RFX7: variants seen among roughly 807,000 people sequenced by gnomAD.
RFX7 encodes regulatory factor X7.
In RFX7, 26 loss-of-function variants were observed where a neutral mutation model predicts 111.8. That is an observed-to-expected ratio of 0.23 (90% CI 0.17 to 0.32). The LOEUF (loss-of-function observed/expected upper bound fraction) is 0.32. RFX7 is among the 10% of genes least tolerant of loss of function. RFX7 has a pLI of 1.00. For missense variants in RFX7, 1,573 were observed against 1,772.9 expected (o/e 0.89, Z 2.02); for synonymous variants, 624 against 624.4 (o/e 1.00, Z 0.01).
rs1304208810 is a variant in RFX7 at position 56,087,702 on chromosome 15, CTA to C, written c.*5641_*5642del. ...TACTACTGGTAAGTATCCGCCTCTG[CTA>C]TAGTGACCTCATTGCATCCTGCAAA... is the stretch of plus-strand genomic sequence containing the variant. On this transcript the variant is annotated 3_prime_UTR_variant, in exon 10 of 10. Coordinates refer to ENST00000559447, the MANE Select transcript of RFX7 (RefSeq NM_022841.7). The C allele has an allele frequency of 2.7e-6, 1 of 364,304 alleles. No homozygotes were observed. Among genetic ancestry groups the C allele is most frequent in the Non-Finnish European group, 5.4e-6 (1 of 184,818 alleles). The allele number at this position is 364,304 out of a possible 1,614,324, so 22.6% of individuals were successfully genotyped here.
chr15:56,134,595 T>TC (rs2042265732), intron 5 of RFX7, among the ~76,000 whole-genome samples: 1 of 74,092 alleles, frequency 1.3e-5, no homozygotes, highest in Non-Finnish European at 2.8e-5. Flanking sequence ...TAAATCACTT[T>TC]CTTTTTTTTT....
chr15:56,130,919 T>C (rs1256787566), intron 5 of RFX7, among the ~76,000 whole-genome samples: 1 of 152,022 alleles, frequency 6.6e-6, no homozygotes, highest in Non-Finnish European at 1.5e-5. Context: ...AACACAAAAA[T>C]TGTCAAAGAA....
At position 56,171,644 on chromosome 15, in the gene RFX7, C is replaced by T. The variant is rs776583999; in HGVS notation, c.195+7626G>A. Among the ~76,000 whole-genome samples, 2 of 152,168 alleles carry T rather than the reference C, an allele frequency of 1.3e-5. 1 individual carries two copies. The highest frequency in any genetic ancestry group is 2.9e-5 in the Non-Finnish European group (2 of 68,034). ...TTATCCCCGTGAAACCCATGTCAGA[C>T]TGCTGGCACACAGAAGTCTAAAATA... On this transcript the variant is annotated intron_variant, in intron 3 of 9. Coordinates refer to ENST00000559447, the MANE Select transcript of RFX7 (RefSeq NM_022841.7).
At chr15:56,186,629 T>C (rs1255738561) in intron 2 of RFX7, among the ~76,000 whole-genome samples, 1 of 152,022 alleles carries the variant, frequency 6.6e-6, no homozygotes, top group African/African-American at 2.4e-5. Flanking sequence ...ATGAACTGTA[T>C]ACATGTGTGT....
chr15:56,148,918 A>G (rs547268104), intron 3 of RFX7, among the ~76,000 whole-genome samples: 69 of 152,136 alleles, frequency 4.5e-4, no homozygotes, highest in African/African-American at 1.6e-3. Flanking sequence ...CATCTCTACT[A>G]AAAATACAAA....
At chr15:56,163,246 A>G (rs149012653) in intron 3 of RFX7, among the ~76,000 whole-genome samples, 4 of 152,214 alleles carry the variant, frequency 2.6e-5, no homozygotes, top group Admixed American at 6.5e-5. Context: ...GATGCAGCAT[A>G]TATCTCTGGA....
intron 5 of RFX7, among the ~76,000 whole-genome samples, chr15:56,109,049 C>T (rs1334303434): frequency 6.6e-6 from 1 of 151,354 alleles, no homozygotes; most frequent in Non-Finnish European, 1.5e-5. Flanking sequence ...CTCCCACTCC[C>T]TCTGCCTCTC....
At chr15:56,149,752 G>A (rs2042541361) in intron 3 of RFX7, among the ~76,000 whole-genome samples, 2 of 151,798 alleles carry the variant, frequency 1.3e-5, no homozygotes, top group Non-Finnish European at 2.9e-5. Context: ...TGGGTTTCAA[G>A]CACAGAACTG....
At chr15:56,125,966 C>A (rs370769259) in intron 5 of RFX7, among the ~76,000 whole-genome samples, 1 of 152,078 alleles carries the variant, frequency 6.6e-6, no homozygotes, top group East Asian at 1.9e-4. Flanking sequence ...TGGAAGGAGT[C>A]TGTTTCATAG....
At chr15:56,124,730 T>C (rs2042121153) in intron 5 of RFX7, among the ~76,000 whole-genome samples, 1 of 152,218 alleles carries the variant, frequency 6.6e-6, no homozygotes, top group Non-Finnish European at 1.5e-5. Flanking sequence ...AATGTCTGAG[T>C]TCCTTGTACA....
In RFX7 at chr15:56,094,576, C is replaced by T. The variant is rs373692238; in HGVS notation, c.3152G>A (p.Arg1051Lys). ...VSSSPVKPMQ[R>K]PMATHPDKTK... ...TTTGTCAGGGTGTGTGGCCATGGGT[C>T]TTTGCATCGGTTTCACAGGACTACT... The change falls in exon 10 of 10, where the codon AGA becomes AAA. Residue 1051 changes from arginine (R) to lysine (K), a missense_variant. Transcript: ENST00000559447. 20 of 1,613,760 alleles carry T rather than the reference C, an allele frequency of 1.2e-5. No homozygotes were observed. The highest frequency in any genetic ancestry group is 1.6e-5 in the Non-Finnish European group (19 of 1,179,876).
rs762205215 is a variant in RFX7, at chr15:56,093,861, A to C, written c.3867T>G (p.Pro1289=). ...ARMNLTQILE[P]STVFPSANPQ... The stretch of plus-strand genomic sequence containing the variant: ...GGTTGGCACTAGGAAAAACAGTGGA[A>C]GGTTCCAAAATCTGAGTGAGATTCA... The change falls in exon 10 of 10, where the codon CCT becomes CCG. Residue 1289 remains proline (P), a synonymous_variant. Transcript: ENST00000559447. 6.2e-6 allele frequency: 10 copies of C among 1,613,872 alleles called. No individual in the cohort carries two copies.
intron 2 of RFX7, among the ~76,000 whole-genome samples, chr15:56,222,788 C>G (rs556611784): frequency 6.6e-6 from 1 of 152,198 alleles, no homozygotes; most frequent in African/African-American, 2.4e-5. Context: ...AATTCCATGT[C>G]TCTGTCATCT....
chr15:56,235,058 T>C (rs1290807183), intron 2 of RFX7, among the ~76,000 whole-genome samples: 1 of 152,150 alleles, frequency 6.6e-6, no homozygotes, highest in Non-Finnish European at 1.5e-5. Context: ...TAGCAGGTAA[T>C]GGGACCAGAC....
chr15:56,244,149 C>A (rs566708164), upstream of RFX7: 1 of 152,176 alleles, frequency 6.6e-6, no homozygotes, highest in South Asian at 2.1e-4. Flanking sequence ...TAATATTTGG[C>A]GTGGAAATGG....
Position 56,093,937 on chromosome 15 carries a change from G to A in RFX7, c.3791C>T (p.Ala1264Val). The change falls in exon 10 of 10, where the codon GCA (alanine) becomes GTA (valine). Residue 1264 changes from alanine to valine, a missense_variant. Coordinates refer to ENST00000559447, the MANE Select transcript of RFX7 (RefSeq NM_022841.7). ...LSKLDSDNDD[A>V]VRGLGMNNLP... The stretch of plus-strand genomic sequence containing the variant: ...GTTGTTCATTCCCAAACCTCTCACT[G>A]CATCATCATTGTCGGAATCAAGTTT... The A allele has an allele frequency of 6.2e-7, 1 of 1,613,970 alleles. No homozygotes were observed. Among genetic ancestry groups the A allele is most frequent in the East Asian group, 2.2e-5 (1 of 44,884 alleles).
intron 2 of RFX7, among the ~76,000 whole-genome samples, chr15:56,210,394 C>T (rs1210334256): frequency 1.3e-5 from 2 of 152,090 alleles, no homozygotes; most frequent in Non-Finnish European, 2.9e-5. Context: ...ATCCCTCTAT[C>T]TGAAATGAAC....
At chr15:56,242,498 TAAA>T (rs199726084) in intron 2 of RFX7, among the ~76,000 whole-genome samples, 1 of 151,512 alleles carries the variant, frequency 6.6e-6, no homozygotes, top group Admixed American at 6.6e-5. Context: ...TATTTTAATT[TAAA>T]AAAAAACCAC....
chr15:56,212,842 GAAAA>G (rs1192280276), intron 2 of RFX7, among the ~76,000 whole-genome samples: 2 of 152,020 alleles, frequency 1.3e-5, no homozygotes, highest in African/African-American at 4.8e-5. Flanking sequence ...CAAAATACTT[GAAAA>G]AATATATCAC....
Sources: gnomAD v4.1 joint callset for allele counts (sites outside exome capture counted in the v4.1 genomes callset) on GRCh38, gnomAD v4.1.1 for gene constraint, MANE v1.5 for transcripts, NCBI Gene and HGNC (gene_info 2026-07-23, HGNC 2026-07-21) for gene names.